LTBP1: variants seen among roughly 807,000 people sequenced by gnomAD.
LTBP1 encodes latent-transforming growth factor beta-binding protein 1.
Under a neutral mutation model 207.6 loss-of-function variants are expected in LTBP1, and 129 were observed. The ratio of observed to expected loss-of-function variants is 0.62; its 90% CI spans 0.54 to 0.72. The LOEUF (loss-of-function observed/expected upper bound fraction) is 0.72. Among genes scored for constraint, LTBP1 ranks in the 30% least tolerant of loss-of-function variants. LTBP1 has a pLI of 0.00. For synonymous variants in LTBP1, 963 were observed against 833.7 expected (o/e 1.16, Z -2.67); for missense variants, 2,281 against 2,217.2 (o/e 1.03, Z -0.58).
rs1676352999 is a variant in LTBP1, at chr2:32,947,466, C to A, written c.142C>A (p.Pro48Thr). 2.8e-6 allele frequency: 4 copies of A among 1,443,228 alleles called. No homozygotes were observed. Among genetic ancestry groups the A allele is most frequent in the East Asian group, 3.1e-5 (1 of 32,448 alleles). 89.4% of individuals were successfully genotyped at this position (1,443,228 alleles called of 1,614,324 possible). A position where few individuals can be genotyped will look rare whatever the true frequency, so the allele number is the denominator to read the frequency against. The change falls in exon 1 of 34, where the codon CCC becomes ACC. Residue 48 changes from proline to threonine, a missense_variant. Pro to Thr is a conservative substitution (Grantham distance 38). Transcript: ENST00000404816. ...LAAGALPLSG[P>T]PRSRTFNVAL... is the part of the protein sequence containing the mutation. The stretch of plus-strand genomic sequence containing the variant: ...AGCCGGCGCCTTGCCCCTGAGCGGG[C>A]CCCCGCGTTCGCGGACATTCAACGT...
intron 3 of LTBP1, among the ~76,000 whole-genome samples, chr2:33,055,927 G>A (rs975297405): frequency 6.6e-6 from 1 of 152,188 alleles, no homozygotes; most frequent in Non-Finnish European, 1.5e-5. Context: ...ATCATTAATA[G>A]GAAGGGGAGC....
At chr2:33,188,459 A>G (rs973332123) in intron 6 of LTBP1, 118 bp from the exon 7 acceptor site, 19 of 592,034 alleles carry the variant, frequency 3.2e-5, no homozygotes, top group Admixed American at 6.0e-5. Context: ...TTTGATGGCT[A>G]TGCAGCAAAA....
chr2:33,080,542 GTATAT>G (rs572327428), intron 3 of LTBP1, among the ~76,000 whole-genome samples: 16 of 152,026 alleles, frequency 1.1e-4, no homozygotes, highest in African/African-American at 2.2e-4. Flanking sequence ...TCATATTATT[GTATAT>G]TATATTGTAT....
chr2:33,219,279 T>G (rs901002716), intron 8 of LTBP1, among the ~76,000 whole-genome samples: 1 of 152,180 alleles, frequency 6.6e-6, no homozygotes, highest in Non-Finnish European at 1.5e-5. Context: ...TCTAAGCTGA[T>G]TCGATGATCA....
At chr2:33,275,483 G>T (rs2093406418) in intron 17 of LTBP1, among the ~76,000 whole-genome samples, 1 of 152,152 alleles carries the variant, frequency 6.6e-6, no homozygotes, top group African/African-American at 2.4e-5. Flanking sequence ...TCGGGAGTTT[G>T]AGACCAGCCT....
At position 32,955,793 on chromosome 2, in the gene LTBP1, T is replaced by C. The variant is rs190741051; in HGVS notation, c.565+6848T>C. ...CTGTAAATGCGTGTTTTACTAATGG[T>C]TTCCTGCTTTCTTAGTGGAGAGAAA... is the stretch of plus-strand genomic sequence containing the variant. On this transcript the variant is annotated intron_variant, in intron 2 of 33. Coordinates refer to ENST00000404816, the MANE Select transcript of LTBP1 (RefSeq NM_206943.4). 9.8e-5 allele frequency among the ~76,000 whole-genome samples: 15 copies of C among 152,328 alleles called. No individual in the cohort carries two copies. The East Asian group carries it at 2.5e-3, about 25-fold the overall frequency.
chr2:33,092,165 G>A (rs545935217), intron 3 of LTBP1, among the ~76,000 whole-genome samples: 23 of 151,844 alleles, frequency 1.5e-4, no homozygotes, highest in South Asian at 8.4e-4. Context: ...TGTGCTGTGC[G>A]TGCACGTGCG....
intron 2 of LTBP1, among the ~76,000 whole-genome samples, chr2:32,989,306 G>T (rs1387011979): frequency 6.6e-6 from 1 of 152,104 alleles, no homozygotes; most frequent in Admixed American, 6.5e-5. Context: ...GATGCAAAAT[G>T]GGTTTATCCA....
intron 32 of LTBP1, among the ~76,000 whole-genome samples, chr2:33,392,391 T>C (rs2095322612): frequency 6.6e-6 from 1 of 152,164 alleles, no homozygotes; most frequent in South Asian, 2.1e-4. Flanking sequence ...TTCACCACGT[T>C]GGCCAGGGTG....
intron 32 of LTBP1, among the ~76,000 whole-genome samples, chr2:33,393,495 A>G (rs572873205): frequency 2.9e-5 from 4 of 138,786 alleles, no homozygotes; most frequent in Non-Finnish European, 6.1e-5. Flanking sequence ...CCTGTGTCCA[A>G]GTGTTCTCAT....
chr2:33,292,115 G>A (rs1312627221), intron 19 of LTBP1, among the ~76,000 whole-genome samples: 1 of 152,178 alleles, frequency 6.6e-6, no homozygotes, highest in Non-Finnish European at 1.5e-5. Flanking sequence ...GTCTGTCACT[G>A]TGACATACGG....
At chr2:33,118,905 C>G (rs974689673) in intron 4 of LTBP1, among the ~76,000 whole-genome samples, 1 of 152,120 alleles carries the variant, frequency 6.6e-6, no homozygotes, top group Non-Finnish European at 1.5e-5. Flanking sequence ...AGCTGTGAAA[C>G]AGTAGATATG....
At chr2:33,203,852 A>C (rs566306839) in intron 7 of LTBP1, among the ~76,000 whole-genome samples, 1 of 152,214 alleles carries the variant, frequency 6.6e-6, no homozygotes, top group Non-Finnish European at 1.5e-5. Context: ...TTTTATGGTC[A>C]CTGTGTTTGA....
At chr2:33,215,481 C>T (rs1405515413) in intron 7 of LTBP1, among the ~76,000 whole-genome samples, 1 of 152,106 alleles carries the variant, frequency 6.6e-6, no homozygotes, top group Non-Finnish European at 1.5e-5. Flanking sequence ...TTAGCTGAGC[C>T]TTCTGTGGTT....
At chr2:33,041,468 G>A (rs2076182532) in intron 3 of LTBP1, among the ~76,000 whole-genome samples, 1 of 152,006 alleles carries the variant, frequency 6.6e-6, no homozygotes, top group South Asian at 2.1e-4. Flanking sequence ...TATTTCAGTA[G>A]AGATAGGGTT....
At chr2:32,971,538 C>T (rs1680882884) in intron 2 of LTBP1, among the ~76,000 whole-genome samples, 1 of 152,096 alleles carries the variant, frequency 6.6e-6, no homozygotes, top group South Asian at 2.1e-4. Flanking sequence ...TTTTCTGCAT[C>T]TATTGAGATA....
intron 22 of LTBP1, among the ~76,000 whole-genome samples, chr2:33,308,255 G>C (rs540597098): frequency 6.6e-6 from 1 of 152,258 alleles, no homozygotes; most frequent in South Asian, 2.1e-4. Context: ...TGCGGTGAAG[G>C]GGAGCCATTA....
chr2:33,315,528 G>A (rs1484901063), intron 24 of LTBP1, among the ~76,000 whole-genome samples: 1 of 152,228 alleles, frequency 6.6e-6, no homozygotes, highest in African/African-American at 2.4e-5. Context: ...GTGGAAATGT[G>A]CAAGGACTGA....
At chr2:33,335,789 T>G (rs2094547927) in intron 24 of LTBP1, among the ~76,000 whole-genome samples, 1 of 152,208 alleles carries the variant, frequency 6.6e-6, no homozygotes, top group South Asian at 2.1e-4. Flanking sequence ...TCCATTCCTT[T>G]CAGAAAGGAG....
Sources: allele counts gnomAD v4.1 joint callset (sites outside exome capture counted in the v4.1 genomes callset), GRCh38; gene constraint gnomAD v4.1.1; transcripts MANE v1.5; gene names NCBI Gene and HGNC (gene_info 2026-07-23, HGNC 2026-07-21).